The following EPHA5 variants were observed in gnomAD, a reference collection of about 807,000 sequenced individuals.
EPHA5 encodes EPH receptor A5, also known as ephrin type-A receptor 5.
In EPHA5, 60 loss-of-function variants were observed where a neutral mutation model predicts 105.0. The ratio of observed to expected loss-of-function variants is 0.57; its 90% CI spans 0.46 to 0.71. The LOEUF (loss-of-function observed/expected upper bound fraction) is 0.71, where lower values mean the gene tolerates loss of function less well. Ranked by LOEUF, EPHA5 falls within the 30% of genes least tolerant of loss-of-function variation. EPHA5 has a pLI of 0.00. For missense variants in EPHA5, 1,218 were observed against 1,274.7 expected, an observed-to-expected ratio of 0.96 and a Z score of 0.68; for synonymous variants, 513 against 449.1, an observed-to-expected ratio of 1.14 and a Z score of -1.80.
chr4:65,423,636 C>T (rs966035241), intron 5 of EPHA5, among the ~76,000 whole-genome samples: 31 of 149,422 alleles, frequency 2.1e-4, no homozygotes, highest in Non-Finnish European at 4.0e-4. Flanking sequence ...TCCTATGTCT[C>T]TTTGATATAC....
intron 11 of EPHA5, among the ~76,000 whole-genome samples, chr4:65,362,300 T>A (rs1717409880): frequency 6.6e-6 from 1 of 151,672 alleles, no homozygotes; most frequent in Admixed American, 6.6e-5. Flanking sequence ...TGTCTCATTA[T>A]CTGTGTGCTG....
chr4:65,331,902 A>G, intron 16 of EPHA5, 71 bp downstream of exon 16: 1 of 1,538,462 alleles, frequency 6.5e-7, no homozygotes, highest in Non-Finnish European at 8.7e-7. Context: ...CCCTTACCTC[A>G]TCCAGATTGG....
At position 65,540,757 on chromosome 4, in the gene EPHA5, AT is replaced by A. The variant is rs373390633; in HGVS notation, c.911-45215del. Among the ~76,000 whole-genome samples the A allele has an allele frequency of 7.4e-4, 109 of 146,556 alleles. 1 individual carries two copies. The highest frequency in any genetic ancestry group is 3.4e-3 in the Middle Eastern group (1 of 290). ...GTATTTAACTGAGTTTTATTTCCTG[AT>A]TTTTTTTTTCTTCTTTCTCTCTTCC... On this transcript the variant is annotated intron_variant, in intron 3 of 16. Coordinates refer to ENST00000613740, the MANE Select transcript of EPHA5 (RefSeq NM_001281766.3).
In EPHA5 at chr4:65,490,431, A is replaced by G; in HGVS notation, c.1348T>C (p.Leu450=). The G allele has an allele frequency of 6.2e-7, 1 of 1,614,142 alleles. No homozygotes were observed. The highest frequency in any genetic ancestry group is 8.5e-7 in the Non-Finnish European group (1 of 1,180,024). The part of the protein sequence containing the change: ...EIEAVNGVSD[L]SPGARQYVSV... ...ACATACTGCCGGGCTCCTGGGCTCA[A>G]GTCGGACACTCCATTCACTGCCTCA... Residue 450 remains leucine (L), a synonymous_variant, in exon 5 of 17, where the codon TTG becomes CTG. Coordinates refer to ENST00000613740, the MANE Select transcript of EPHA5 (RefSeq NM_001281766.3).
chr4:65,600,032 A>G (rs541607389), intron 3 of EPHA5, among the ~76,000 whole-genome samples: 1 of 152,342 alleles, frequency 6.6e-6, no homozygotes, highest in East Asian at 1.9e-4. Context: ...CTAAAATGAT[A>G]GAAACAAACA....
At chr4:65,491,032 C>T (rs1731351524) in intron 4 of EPHA5, among the ~76,000 whole-genome samples, 2 of 152,006 alleles carry the variant, frequency 1.3e-5, no homozygotes. Context: ...TATTTATAAA[C>T]TGGTGAGTTT....
intron 5 of EPHA5, among the ~76,000 whole-genome samples, chr4:65,475,431 C>A (rs1406239671): frequency 6.6e-6 from 1 of 152,116 alleles, no homozygotes; most frequent in Non-Finnish European, 1.5e-5. Context: ...AGGACTCATG[C>A]ATATGCTTGA....
intron 3 of EPHA5, among the ~76,000 whole-genome samples, chr4:65,559,855 A>G (rs1738831060): frequency 6.6e-6 from 1 of 152,168 alleles, no homozygotes; most frequent in African/African-American, 2.4e-5. Context: ...TTGATTTCGG[A>G]CAGAATAAAA....
intron 3 of EPHA5, among the ~76,000 whole-genome samples, chr4:65,517,365 A>G (rs2149271497): frequency 6.6e-6 from 1 of 151,876 alleles, no homozygotes; most frequent in South Asian, 2.1e-4. Flanking sequence ...CTTTATATTT[A>G]AAATATGTTT....
At chr4:65,396,666 T>C (rs1484156054) in intron 8 of EPHA5, among the ~76,000 whole-genome samples, 3 of 152,186 alleles carry the variant, frequency 2.0e-5, no homozygotes, top group Non-Finnish European at 4.4e-5. Context: ...TAGTCCAAGC[T>C]ATTCATGATA....
chr4:65,565,341 T>C (rs1739427358), intron 3 of EPHA5, among the ~76,000 whole-genome samples: 1 of 151,746 alleles, frequency 6.6e-6, no homozygotes, highest in African/African-American at 2.4e-5. Flanking sequence ...CAATTTCATT[T>C]CAATAACTCT....
chr4:65,517,029 A>G (rs1328031525), intron 3 of EPHA5, among the ~76,000 whole-genome samples: 2 of 151,954 alleles, frequency 1.3e-5, no homozygotes, highest in Non-Finnish European at 2.9e-5. Context: ...CTGATTTCCT[A>G]TTTACTTGTT....
At chr4:65,574,031 C>G in intron 3 of EPHA5, 1 of 1,598,204 alleles carries the variant, frequency 6.3e-7, no homozygotes, top group Non-Finnish European at 8.6e-7. Flanking sequence ...GAAGAACACA[C>G]CAGAAATTTG....
chr4:65,568,940 T>C (rs954617477), intron 3 of EPHA5, among the ~76,000 whole-genome samples: 1 of 151,162 alleles, frequency 6.6e-6, no homozygotes, highest in Non-Finnish European at 1.5e-5. Context: ...TATTTTCCTT[T>C]ATCATAGAGT....
At chr4:65,553,887 A>C (rs1372679390) in intron 3 of EPHA5, among the ~76,000 whole-genome samples, 1 of 152,034 alleles carries the variant, frequency 6.6e-6, no homozygotes, top group Non-Finnish European at 1.5e-5. Context: ...CCGCATCCTA[A>C]TAGAAAACTC....
chr4:65,368,045 G>A (rs1162887135), intron 8 of EPHA5, among the ~76,000 whole-genome samples: 1 of 151,376 alleles, frequency 6.6e-6, no homozygotes, highest in South Asian at 2.1e-4. Context: ...CTTATTACTA[G>A]GAAAAAAAAT....
At chr4:65,604,218 C>T (rs777389622) in intron 2 of EPHA5, among the ~76,000 whole-genome samples, 3 of 152,058 alleles carry the variant, frequency 2.0e-5, no homozygotes, top group Non-Finnish European at 2.9e-5. Context: ...ATAAGCCAAG[C>T]AATTCAGCCT....
At chr4:65,468,563 ATAT>A (rs1389315393) in intron 5 of EPHA5, among the ~76,000 whole-genome samples, 5 of 52,708 alleles carry the variant, frequency 9.5e-5, no homozygotes, top group Admixed American at 2.7e-4. Flanking sequence ...TATATATTAT[ATAT>A]TATATATATA....
intron 5 of EPHA5, among the ~76,000 whole-genome samples, chr4:65,424,822 T>G (rs905241929): frequency 1.3e-5 from 2 of 152,082 alleles, no homozygotes; most frequent in Admixed American, 6.6e-5. Context: ...TTTTATTAAT[T>G]AAAATGTTGG....
Sources: allele counts gnomAD v4.1 joint callset (sites outside exome capture counted in the v4.1 genomes callset), GRCh38; gene constraint gnomAD v4.1.1; transcripts MANE v1.5; gene names NCBI Gene and HGNC (gene_info 2026-07-23, HGNC 2026-07-21).